STK25: variants seen among roughly 807,000 people sequenced by gnomAD.
STK25 encodes serine/threonine-protein kinase 25.
In STK25, 29 loss-of-function variants were observed where a neutral mutation model predicts 53.8. That is an observed-to-expected ratio of 0.54 (90% CI 0.40 to 0.74). The LOEUF (loss-of-function observed/expected upper bound fraction) is 0.74, where lower values mean the gene tolerates loss of function less well. Ranked by LOEUF, STK25 falls within the 30% of genes least tolerant of loss-of-function variation. The pLI is 0.00. For synonymous variants in STK25, 247 were observed against 238.3 expected (o/e 1.04, Z -0.33); for missense variants, 420 against 568.0 (o/e 0.74, Z 2.65).
chr2:241,499,704 G>C, intron 5 of STK25: 1 of 525,052 alleles, frequency 1.9e-6, no homozygotes, highest in Non-Finnish European at 3.4e-6. Context: ...CTACCGCAGA[G>C]GTGACCCTGA....
At position 241,494,826 on chromosome 2, in the gene STK25, A is replaced by G. The variant is rs2065062206; in HGVS notation, c.*836T>C. The G allele has an allele frequency of 6.6e-6, 1 of 152,090 alleles. No individual in the cohort carries two copies. Among genetic ancestry groups the G allele is most frequent in the Non-Finnish European group, 1.5e-5 (1 of 68,030 alleles). The allele number at this position is 152,090 out of a possible 1,614,324, so 9.4% of individuals were successfully genotyped here. On this transcript the variant is annotated 3_prime_UTR_variant, in exon 12 of 12. Coordinates refer to ENST00000316586, the MANE Select transcript of STK25 (RefSeq NM_001271977.2). The surrounding 1 kb of genome is among the most constrained non-coding windows in gnomAD (Gnocchi z 4.9). ...CACACACATTTGATTAAAAATAAAC[A>G]AACAGCATCTCCCCACCTGCATTCT...
chr2:241,498,410 C>T, intron 8 of STK25, 61 bp from the exon 9 acceptor site: 2 of 1,442,120 alleles, frequency 1.4e-6, no homozygotes, highest in South Asian at 1.3e-5. Flanking sequence ...ATGAGGGCCT[C>T]AGGGCACACC....
rs368984562 is a variant in STK25, at chr2:241,496,385, C to T, written c.1241+13G>A. On this transcript the variant is annotated intron_variant, in intron 11 of 11. Coordinates refer to ENST00000316586, the MANE Select transcript of STK25 (RefSeq NM_001271977.2). The surrounding 1 kb of genome is among the most constrained non-coding windows in gnomAD (Gnocchi z 5.8). ...GGGTGCTCTCCCCGACCCTATGGCACGGCCGCCCTCACCTCTGCACTCGCT... is the reference window on the plus strand; with the variant it reads ...GGGTGCTCTCCCCGACCCTATGGCATGGCCGCCCTCACCTCTGCACTCGCT... 2.4e-5 allele frequency: 39 copies of T among 1,609,208 alleles called. No individual in the cohort carries two copies. Among genetic ancestry groups the T allele is most frequent in the East Asian group, 4.5e-5 (2 of 44,756 alleles).
chr2:241,500,757 C>T lies in STK25; in HGVS notation c.301G>A (p.Gly101Ser), dbSNP rs933425489. The change falls in exon 4 of 12, where the codon GGC becomes AGC. Residue 101 changes from glycine to serine, a missense_variant. Coordinates refer to ENST00000316586, the MANE Select transcript of STK25 (RefSeq NM_001271977.2). ...LWIIMEYLGG[G>S]SALDLLKPGP... Reference sequence around the variant, plus strand: ...TGCCTCACCAAGTCCAGTGCTGAGCCGCCGCCCAGGTACTCCATGATGATC... The same window carrying T: ...TGCCTCACCAAGTCCAGTGCTGAGCTGCCGCCCAGGTACTCCATGATGATC... 5.0e-6 allele frequency: 8 copies of T among 1,613,828 alleles called. No homozygotes were observed. Among genetic ancestry groups the T allele is most frequent in the Admixed American group, 3.3e-5 (2 of 59,982 alleles).
In STK25 at chr2:241,499,244, CCGCT is replaced by C; in HGVS notation, c.585+9_585+12del. On this transcript the variant is annotated intron_variant, in intron 6 of 11. Coordinates refer to ENST00000316586, the MANE Select transcript of STK25 (RefSeq NM_001271977.2). Reference sequence around the variant, plus strand: ...AGGCATGGTGCCCGCACCTGCCCGCCCGCTGCACCCACCTTGAAGTCGTAGGCCG... The same window carrying C: ...AGGCATGGTGCCCGCACCTGCCCGCCGCACCCACCTTGAAGTCGTAGGCCG... The C allele has an allele frequency of 6.2e-7, 1 of 1,613,868 alleles. No homozygotes were observed. Among genetic ancestry groups the C allele is most frequent in the Non-Finnish European group, 8.5e-7 (1 of 1,179,888 alleles).
At chr2:241,506,738 A>G (rs1328600595) in intron 2 of STK25, among the ~76,000 whole-genome samples, 2 of 152,226 alleles carry the variant, frequency 1.3e-5, no homozygotes, top group African/African-American at 2.4e-5. Context: ...TTGCACTCCA[A>G]CCTGGGCAAC....
intron 2 of STK25, among the ~76,000 whole-genome samples, chr2:241,504,656 T>TG (rs975748259): frequency 5.9e-5 from 9 of 152,164 alleles, no homozygotes; most frequent in East Asian, 3.8e-4. Context: ...TTTTTTGAGA[T>TG]GGGGGGTCTC....
rs901230714 is a variant in STK25 at position 241,493,326 on chromosome 2, G to T, written c.*2336C>A. ...CCCACTGGCCAGCCTCCCGCTGCTG[G>T]GCTACAGCGTGAGCATCCCCAGGGA... On this transcript the variant is annotated 3_prime_UTR_variant, in exon 12 of 12. Transcript: ENST00000316586. 7 of 1,613,808 alleles carry T rather than the reference G, an allele frequency of 4.3e-6. No homozygotes were observed. The highest frequency in any genetic ancestry group is 5.9e-6 in the Non-Finnish European group (7 of 1,179,996).
chr2:241,503,586 G>A (rs1478020638), intron 2 of STK25, among the ~76,000 whole-genome samples: 17 of 151,136 alleles, frequency 1.1e-4, no homozygotes, highest in Non-Finnish European at 1.2e-4. Flanking sequence ...GGTGGTGGGC[G>A]CCTGCAGTCC....
At chr2:241,507,710 C>G (rs1265720276) in intron 2 of STK25, among the ~76,000 whole-genome samples, 2 of 152,266 alleles carry the variant, frequency 1.3e-5, no homozygotes, top group Non-Finnish European at 2.9e-5. Flanking sequence ...GGGCAGCGCC[C>G]CGTCCCTGCG....
In STK25 at chr2:241,496,217, C is replaced by T. The variant is rs2065145691; in HGVS notation, c.1241+181G>A. ...CCCACTCTCTCCAGCCCCAAAGTCT[C>T]CATGGCCCTGTGAGCTGGGTCCAAA... is the stretch of plus-strand genomic sequence containing the variant. On this transcript the variant is annotated intron_variant, in intron 11 of 11. Coordinates refer to ENST00000316586, the MANE Select transcript of STK25 (RefSeq NM_001271977.2). This position sits in a 1 kb window ranked among gnomAD's most constrained non-coding sequence, Gnocchi z 5.8. 6.6e-6 allele frequency among the ~76,000 whole-genome samples: 1 copy of T among 151,298 alleles called. No homozygotes were observed. Among genetic ancestry groups the T allele is most frequent in the African/African-American group, 2.4e-5 (1 of 41,290 alleles).
In STK25 at chr2:241,496,333, C is replaced by T; in HGVS notation, c.1241+65G>A. The T allele has an allele frequency of 6.4e-7, 1 of 1,568,378 alleles. No individual in the cohort carries two copies. Among genetic ancestry groups the T allele is most frequent in the South Asian group, 1.1e-5 (1 of 87,856 alleles). On this transcript the variant is annotated intron_variant, in intron 11 of 11. Coordinates refer to ENST00000316586, the MANE Select transcript of STK25 (RefSeq NM_001271977.2). This position sits in a 1 kb window ranked among gnomAD's most constrained non-coding sequence, Gnocchi z 5.8. ...CCACACCCACGAGTGAGCACTGGAC[C>T]TCACCCCACGTCCAGCTTCTTGGTG...
At chr2:241,507,332 T>C (rs1351324293) in intron 2 of STK25, among the ~76,000 whole-genome samples, 1 of 151,914 alleles carries the variant, frequency 6.6e-6, no homozygotes, top group Non-Finnish European at 1.5e-5. Flanking sequence ...CCGTAGTGGC[T>C]CCCTCCGAGG....
chr2:241,499,082 C>T lies in STK25; in HGVS notation c.678G>A (p.Leu226=). ...SDLHPMRVLF[L]IPKNSPPTLE... is the part of the protein sequence containing the mutation. Reference sequence around the variant, plus strand: ...GTGTGGGTGGGCTGTTCTTGGGAATCAGGAACAGGACGCGCATGGGGTGGA... The same window carrying T: ...GTGTGGGTGGGCTGTTCTTGGGAATTAGGAACAGGACGCGCATGGGGTGGA... The change falls in exon 7 of 12, where the codon CTG becomes CTA. Residue 226 remains leucine, a synonymous_variant. Coordinates refer to ENST00000316586, the MANE Select transcript of STK25 (RefSeq NM_001271977.2). 3.1e-6 allele frequency: 5 copies of T among 1,614,148 alleles called. No homozygotes were observed. Among genetic ancestry groups the T allele is most frequent in the Non-Finnish European group, 3.4e-6 (4 of 1,180,022 alleles).
chr2:241,509,547 T>C (rs1430242441), upstream of STK25: 1 of 152,546 alleles, frequency 6.6e-6, no homozygotes, highest in Non-Finnish European at 1.5e-5. Context: ...CAGGTGACTA[T>C]CCTGACCTCC....
At position 241,501,231 on chromosome 2, in the gene STK25, A is replaced by G. The variant is rs561270920; in HGVS notation, c.261+247T>C. 1 of 582,572 alleles carries G rather than the reference A, an allele frequency of 1.7e-6. No homozygotes were observed. Among genetic ancestry groups the G allele is most frequent in the Non-Finnish European group, 3.1e-6 (1 of 322,830 alleles). The allele number at this position is 582,572 out of a possible 1,614,324, so 36.1% of individuals were successfully genotyped here. On this transcript the variant is annotated intron_variant, in intron 3 of 11. Coordinates refer to ENST00000316586, the MANE Select transcript of STK25 (RefSeq NM_001271977.2). This position sits in a 1 kb window ranked among gnomAD's most constrained non-coding sequence, Gnocchi z 5.3. ...TCACCACTGCCAGTAGGGGCCCCCC[A>G]GAGTGCTCCTAGCAGCGCCCTCACT... is the stretch of plus-strand genomic sequence containing the variant.
chr2:241,503,309 C>T (rs2065617330), intron 2 of STK25, among the ~76,000 whole-genome samples: 2 of 151,976 alleles, frequency 1.3e-5, no homozygotes, highest in Middle Eastern at 6.8e-3. Context: ...AGGTGATCTG[C>T]CCATCTCAGC....
At chr2:241,506,392 C>T (rs190370485) in intron 2 of STK25, among the ~76,000 whole-genome samples, 19 of 152,374 alleles carry the variant, frequency 1.2e-4, no homozygotes, top group Admixed American at 1.2e-3. Flanking sequence ...GCACCAAGAA[C>T]CAATAGCACA....
At position 241,499,213 on chromosome 2, in the gene STK25, C is replaced by T. The variant is rs954093263; in HGVS notation, c.586-39G>A. 23 of 1,613,738 alleles carry T rather than the reference C, an allele frequency of 1.4e-5. 1 individual carries two copies. In the Middle Eastern group the frequency reaches 4.9e-4, roughly 35 times the overall value. On this transcript the variant is annotated intron_variant, in intron 6 of 11. Coordinates refer to ENST00000316586, the MANE Select transcript of STK25 (RefSeq NM_001271977.2). ...AAGGACTGTTGCTGCCCTGAGCACC[C>T]GAGCCAGGCATGGTGCCCGCACCTG...
Sources: allele counts gnomAD v4.1 joint callset (sites outside exome capture counted in the v4.1 genomes callset), GRCh38; gene constraint gnomAD v4.1.1; non-coding constraint Gnocchi (gnomAD v3.1); transcripts MANE v1.5; gene names NCBI Gene and HGNC (gene_info 2026-07-23, HGNC 2026-07-21).